ANGPT4: variants seen among roughly 807,000 people sequenced by gnomAD.
ANGPT4 encodes angiopoietin 4, also known as angiopoietin-4.
In ANGPT4, 50 loss-of-function variants were observed where a neutral mutation model predicts 53.0. The ratio of observed to expected loss-of-function variants is 0.94; its 90% CI spans 0.75 to 1.20. The LOEUF (loss-of-function observed/expected upper bound fraction) is 1.20, where lower values mean the gene tolerates loss of function less well. Ranked by LOEUF, ANGPT4 falls within the 50% of genes most tolerant of loss-of-function variation. ANGPT4 has a pLI of 0.00. For synonymous variants in ANGPT4, 251 were observed against 259.7 expected (o/e 0.97, Z 0.32); for missense variants, 648 against 637.1 (o/e 1.02, Z -0.18).
chr20:885,923 G>C (rs901184172), intron 3 of ANGPT4, among the ~76,000 whole-genome samples: 2 of 152,154 alleles, frequency 1.3e-5, no homozygotes, highest in African/African-American at 4.8e-5. Context: ...ATAGGAGAAG[G>C]CTGGAAAGAC....
chr20:881,148 C>T (rs767764813), intron 5 of ANGPT4, 23 bp downstream of exon 5: 1 of 1,542,014 alleles, frequency 6.5e-7, no homozygotes, highest in Non-Finnish European at 8.7e-7. Flanking sequence ...CTAACAGCCA[C>T]AGTTCCCAGG....
rs1980999232 is a variant in ANGPT4 at position 872,900 on chromosome 20, G to C, written c.*60C>G. On this transcript the variant is annotated 3_prime_UTR_variant, in exon 9 of 9. Transcript: ENST00000381922. The stretch of plus-strand genomic sequence containing the variant: ...AGTGTCTTGCATCTGGGTCCAGGTT[G>C]TCCAGGAGTGCCAAGTCCGAGCTTC... 6.3e-6 allele frequency: 10 copies of C among 1,598,092 alleles called. No homozygotes were observed. Among genetic ancestry groups the C allele is most frequent in the Non-Finnish European group, 7.7e-6 (9 of 1,170,224 alleles).
chr20:872,976 C>T lies in ANGPT4; in HGVS notation c.1496G>A (p.Arg499Gln), dbSNP rs1385108123. ...AGCTGCTCGTTAGATGTCCAAAGGCCGTATCATCATGCGAGAGGCACGCAG... is the reference window on the plus strand; with the variant it reads ...AGCTGCTCGTTAGATGTCCAAAGGCTGTATCATCATGCGAGAGGCACGCAG... ...YSLRASRMMI[R>Q]PLDI The change falls in exon 9 of 9, where the codon CGG becomes CAG. Residue 499 changes from arginine to glutamine, a missense_variant. Coordinates refer to ENST00000381922, the MANE Select transcript of ANGPT4 (RefSeq NM_015985.4). The T allele has an allele frequency of 9.3e-6, 15 of 1,613,866 alleles. No individual in the cohort carries two copies. The highest frequency in any genetic ancestry group is 4.5e-5 in the East Asian group (2 of 44,886).
At chr20:901,292 A>G (rs1422266516) in intron 1 of ANGPT4, among the ~76,000 whole-genome samples, 2 of 152,206 alleles carry the variant, frequency 1.3e-5, no homozygotes, top group African/African-American at 4.8e-5. Flanking sequence ...GGAGAACCAC[A>G]AAAGAAGTGA....
At chr20:902,668 G>T (rs962367236) in intron 1 of ANGPT4, among the ~76,000 whole-genome samples, 3 of 152,114 alleles carry the variant, frequency 2.0e-5, no homozygotes, top group East Asian at 1.9e-4. Context: ...AAGGCAATTT[G>T]TTTCCTTTAT....
In ANGPT4 at chr20:876,735, G is replaced by A. The variant is rs576624441; in HGVS notation, c.1220+1426C>T. 5.3e-5 allele frequency among the ~76,000 whole-genome samples: 8 copies of A among 152,104 alleles called. No homozygotes were observed. In the East Asian group the frequency reaches 1.5e-3, roughly 29 times the overall value. On this transcript the variant is annotated intron_variant, in intron 7 of 8. Transcript: ENST00000381922. Reference sequence around the variant, plus strand: ...TGGCTTAAATGGGACTCAGCATAGTGTTGTAGCTACTCACTGGTCAGGTGT... The same window carrying A: ...TGGCTTAAATGGGACTCAGCATAGTATTGTAGCTACTCACTGGTCAGGTGT...
rs774398590 is a variant in ANGPT4 at position 885,239 on chromosome 20, T to C, written c.674A>G (p.Asn225Ser). 1.1e-5 allele frequency: 17 copies of C among 1,583,862 alleles called. No homozygotes were observed. Among genetic ancestry groups the C allele is most frequent in the Non-Finnish European group, 1.5e-5 (17 of 1,164,894 alleles). ...SILSKKAKLLNTLSRQSAALT... is the reference protein window; with the variant it reads ...SILSKKAKLLSTLSRQSAALT... ...GGCGGCGCTCTGGCGGCTCAGCGTG[T>C]TCAGCAGCTTCGCCTTCTTGCTGAG... Residue 225 changes from asparagine (N) to serine (S), a missense_variant, in exon 4 of 9, where the codon AAC becomes AGC. Physicochemically the swap from Asn to Ser is conservative, Grantham distance 46 (BLOSUM62 1). Transcript: ENST00000381922.
At chr20:890,899 C>T (rs1316848376) in intron 1 of ANGPT4, among the ~76,000 whole-genome samples, 1 of 152,220 alleles carries the variant, frequency 6.6e-6, no homozygotes, top group Non-Finnish European at 1.5e-5. Context: ...AACCCTGATC[C>T]GCATCTGCGT....
In ANGPT4 at chr20:915,922, G is replaced by T; in HGVS notation, c.293C>A (p.Thr98Lys). 1 of 1,583,418 alleles carries T rather than the reference G, an allele frequency of 6.3e-7. No homozygotes were observed. Among genetic ancestry groups the T allele is most frequent in the Non-Finnish European group, 8.6e-7 (1 of 1,161,354 alleles). ...KQLEQALQNNTQWLKKLERAI... is the reference protein window; with the variant it reads ...KQLEQALQNNKQWLKKLERAI... Reference sequence around the variant, plus strand: ...GCCCCGTACCTTCTTCAGCCACTGCGTGTTGTTCTGCAGTGCCTGCTCCAG... The same window carrying T: ...GCCCCGTACCTTCTTCAGCCACTGCTTGTTGTTCTGCAGTGCCTGCTCCAG... The change falls in exon 1 of 9, where the codon ACG becomes AAG. Residue 98 changes from threonine (T) to lysine (K), a missense_variant. Transcript: ENST00000381922.
intron 1 of ANGPT4, among the ~76,000 whole-genome samples, chr20:896,142 AC>A (rs1982041727): frequency 1.3e-5 from 2 of 152,062 alleles, no homozygotes; most frequent in Admixed American, 6.6e-5. Flanking sequence ...CCTCCAGTGA[AC>A]CCCCTCACCC....
At chr20:904,107 G>A (rs558679411) in intron 1 of ANGPT4, among the ~76,000 whole-genome samples, 142 of 152,160 alleles carry the variant, frequency 9.3e-4, no homozygotes, top group African/African-American at 3.2e-3. Context: ...TTTATTTTTC[G>A]AATGGGTGAT....
chr20:888,349 G>T lies in ANGPT4; in HGVS notation c.556C>A (p.Gln186Lys). 2 of 1,613,848 alleles carry T rather than the reference G, an allele frequency of 1.2e-6. No homozygotes were observed. The highest frequency in any genetic ancestry group is 1.7e-6 in the Non-Finnish European group (2 of 1,179,972). The change falls in exon 3 of 9, where the codon CAG (glutamine) becomes AAG (lysine). Residue 186 changes from glutamine (Q) to lysine (K), a missense_variant. Coordinates refer to ENST00000381922, the MANE Select transcript of ANGPT4 (RefSeq NM_015985.4). ...KLENQLLLQR[Q>K]KLQQLQGQNS... ...TGGCCCTGAAGCTGCTGGAGCTTCT[G>T]CCTCTGTAGCAGCAGCTGGTTCTCC...
At chr20:885,935 G>A (rs557475364) in intron 3 of ANGPT4, among the ~76,000 whole-genome samples, 8 of 152,316 alleles carry the variant, frequency 5.3e-5, no homozygotes, top group East Asian at 3.9e-4. Flanking sequence ...TGGAAAGACC[G>A]CAGTGGTGCC....
chr20:907,350 G>A (rs1982513731), intron 1 of ANGPT4, among the ~76,000 whole-genome samples: 1 of 152,112 alleles, frequency 6.6e-6, no homozygotes, highest in South Asian at 2.1e-4. Context: ...GGCTGCAGAG[G>A]GAGGGGAGCA....
At chr20:910,172 C>A (rs578185266) in intron 1 of ANGPT4, among the ~76,000 whole-genome samples, 3 of 152,278 alleles carry the variant, frequency 2.0e-5, no homozygotes, top group Admixed American at 2.0e-4. Flanking sequence ...AGATCTTGGG[C>A]AAGTCACCTA....
intron 2 of ANGPT4, 101 bp from the exon 3 acceptor site, chr20:888,540 C>T: frequency 6.7e-7 from 1 of 1,496,050 alleles, no homozygotes; most frequent in East Asian, 2.4e-5. Flanking sequence ...CAGAAACTTA[C>T]CCATTTCCAC....
rs1405757279 is a variant in ANGPT4 at position 914,566 on chromosome 20, C to A, written c.309+1340G>T. Among the ~76,000 whole-genome samples, 2 of 152,148 alleles carry A rather than the reference C, an allele frequency of 1.3e-5. No individual in the cohort carries two copies. Among genetic ancestry groups the A allele is most frequent in the Non-Finnish European group, 1.5e-5 (1 of 67,972 alleles). ...GAGTGTTAGCAGGGAGCCAGGGGGGCAGCCAGGACAGCTATCCTGCCTGGA... is the reference window on the plus strand; with the variant it reads ...GAGTGTTAGCAGGGAGCCAGGGGGGAAGCCAGGACAGCTATCCTGCCTGGA... On this transcript the variant is annotated intron_variant, in intron 1 of 8. Transcript: ENST00000381922. The surrounding 1 kb of genome is among the most constrained non-coding windows in gnomAD (Gnocchi z 5.0).
intron 1 of ANGPT4, among the ~76,000 whole-genome samples, chr20:897,897 C>A (rs1600057811): frequency 1.3e-5 from 2 of 152,264 alleles, no homozygotes; most frequent in East Asian, 3.9e-4. Context: ...CTGCTAGGCC[C>A]CAGTACAAAC....
chr20:904,137 T>C (rs1982391280), intron 1 of ANGPT4, among the ~76,000 whole-genome samples: 1 of 152,188 alleles, frequency 6.6e-6, no homozygotes, highest in African/African-American at 2.4e-5. Context: ...TTGTTCAAAA[T>C]TCCAAGGAAC....
Sources: allele counts gnomAD v4.1 joint callset (sites outside exome capture counted in the v4.1 genomes callset), GRCh38; gene constraint gnomAD v4.1.1; non-coding constraint Gnocchi (gnomAD v3.1); transcripts MANE v1.5; gene names NCBI Gene and HGNC (gene_info 2026-07-23, HGNC 2026-07-21).